The following VPS41 variants were observed in gnomAD, a reference collection of about 807,000 sequenced individuals.
VPS41 encodes VPS41 subunit of HOPS complex, also known as vacuolar protein sorting-associated protein 41 homolog.
A neutral mutation model predicts 130.9 loss-of-function variants in VPS41; 85 were observed. The observed-to-expected ratio is 0.65, with a 90% confidence interval of 0.55 to 0.78. The LOEUF is 0.78. Ranked by LOEUF, VPS41 falls within the 30% of genes least tolerant of loss-of-function variation. The probability of loss-of-function intolerance (pLI) is 0.00; values close to 1 mark genes in which losing one functional copy is unlikely to be tolerated. For missense variants in VPS41, 874 were observed against 1,018.7 expected, an observed-to-expected ratio of 0.86 and a Z score of 1.93; for synonymous variants, 335 against 332.9, an observed-to-expected ratio of 1.01 and a Z score of -0.07.
At chr7:38,731,486 G>A (rs2115561788) in intron 25 of VPS41, among the ~76,000 whole-genome samples, 1 of 152,282 alleles carries the variant, frequency 6.6e-6, no homozygotes, top group Admixed American at 6.5e-5. Flanking sequence ...AGATGCCACA[G>A]CAGTTGGCGT....
intron 1 of VPS41, among the ~76,000 whole-genome samples, chr7:38,908,084 GA>G (rs1787308378): frequency 6.6e-6 from 1 of 152,114 alleles, no homozygotes; most frequent in Non-Finnish European, 1.5e-5. Context: ...TTTTCACTAT[GA>G]AGTAAAAACA....
At chr7:38,746,276 A>C (rs1250792024) in intron 22 of VPS41, among the ~76,000 whole-genome samples, 1 of 151,738 alleles carries the variant, frequency 6.6e-6, no homozygotes, top group Non-Finnish European at 1.5e-5. Flanking sequence ...AAAAAGACCT[A>C]CTATATATTG....
chr7:38,728,464 G>C, intron 27 of VPS41, 78 bp downstream of exon 27: 3 of 1,472,366 alleles, frequency 2.0e-6, no homozygotes, highest in South Asian at 1.1e-5. Context: ...ATAAACGGTA[G>C]TTGGCTAATT....
chr7:38,787,056 A>C (rs1784451271), intron 10 of VPS41, among the ~76,000 whole-genome samples: 1 of 152,252 alleles, frequency 6.6e-6, no homozygotes, highest in African/African-American at 2.4e-5. Flanking sequence ...AGATACAGAC[A>C]ATACTGAAAG....
At chr7:38,757,032 AAC>A (rs1406487315) in intron 18 of VPS41, 50 bp from the exon 19 acceptor site, 2 of 1,380,988 alleles carry the variant, frequency 1.4e-6, no homozygotes, top group Non-Finnish European at 2.0e-6. Context: ...TTCTAATTAA[AAC>A]ACACACAGAG....
chr7:38,784,549 C>T (rs1023365093), intron 10 of VPS41, among the ~76,000 whole-genome samples: 1 of 151,084 alleles, frequency 6.6e-6, no homozygotes, highest in African/African-American at 2.4e-5. Flanking sequence ...GTGGGAGGAT[C>T]GCTTTGGCCC....
intron 16 of VPS41, 40 bp from the exon 17 acceptor site, chr7:38,763,587 GA>G (rs760445398): frequency 7.2e-7 from 1 of 1,380,720 alleles, no homozygotes; most frequent in Admixed American, 2.2e-5. Flanking sequence ...ATTAAAATAT[GA>G]AAAAACAAAA....
chr7:38,826,790 A>G (rs1051113212), intron 5 of VPS41, among the ~76,000 whole-genome samples: 7 of 152,110 alleles, frequency 4.6e-5, no homozygotes, highest in Admixed American at 3.3e-4. Context: ...TATAAAAAGT[A>G]GTAATTTTTG....
chr7:38,731,929 C>T (rs1222983048), intron 25 of VPS41, among the ~76,000 whole-genome samples: 1 of 152,124 alleles, frequency 6.6e-6, no homozygotes, highest in Non-Finnish European at 1.5e-5. Flanking sequence ...CTCTACCATT[C>T]CTGCTCCTTC....
chr7:38,795,740 A>G, intron 8 of VPS41, 129 bp from the exon 9 acceptor site: 1 of 783,642 alleles, frequency 1.3e-6, no homozygotes, highest in Non-Finnish European at 1.9e-6. Context: ...CTGAGCATGC[A>G]AGGAAAATGC....
At chr7:38,826,554 A>ATTAAT in intron 5 of VPS41, among the ~76,000 whole-genome samples, 1 of 152,188 alleles carries the variant, frequency 6.6e-6, no homozygotes, top group Non-Finnish European at 1.5e-5. Context: ...ACAATTACTA[A>ATTAAT]GTGATTTTTC....
intron 13 of VPS41, 35 bp from the exon 14 acceptor site, chr7:38,771,289 A>AG: frequency 6.6e-7 from 1 of 1,506,744 alleles, no homozygotes; most frequent in Non-Finnish European, 9.0e-7. Flanking sequence ...TTAAAAAAAA[A>AG]AAAAAGCAGA....
At chr7:38,907,942 G>C (rs146080153) in intron 1 of VPS41, among the ~76,000 whole-genome samples, 2 of 152,270 alleles carry the variant, frequency 1.3e-5, no homozygotes, top group East Asian at 3.9e-4. Context: ...TGAACTGCTA[G>C]AATGGAAATA....
intron 1 of VPS41, among the ~76,000 whole-genome samples, chr7:38,902,906 C>G (rs146098606): frequency 6.6e-6 from 1 of 152,206 alleles, no homozygotes; most frequent in African/African-American, 2.4e-5. Flanking sequence ...CCTTGTCCTA[C>G]AAGTTCTCAT....
intron 4 of VPS41, among the ~76,000 whole-genome samples, chr7:38,841,835 C>T (rs1785614360): frequency 6.6e-6 from 1 of 152,200 alleles, no homozygotes; most frequent in African/African-American, 2.4e-5. Flanking sequence ...AACTCCTAAC[C>T]TCAGGTGATC....
intron 4 of VPS41, among the ~76,000 whole-genome samples, chr7:38,860,032 T>C (rs1442115449): frequency 1.3e-5 from 2 of 152,214 alleles, no homozygotes; most frequent in Non-Finnish European, 2.9e-5. Flanking sequence ...ACTCTAGCAG[T>C]TGTCATTCTT....
At chr7:38,772,170 A>G (rs1245716775) in intron 13 of VPS41, among the ~76,000 whole-genome samples, 2 of 152,174 alleles carry the variant, frequency 1.3e-5, no homozygotes, top group Non-Finnish European at 2.9e-5. Context: ...TAAAAATGTG[A>G]TAAGTATAAA....
At chr7:38,773,801 T>C (rs976028793) in intron 12 of VPS41, among the ~76,000 whole-genome samples, 11 of 152,258 alleles carry the variant, frequency 7.2e-5, no homozygotes, top group African/African-American at 2.6e-4. Context: ...CATGGAGCCA[T>C]GCAGCTTGAC....
chr7:38,731,034 C>A (rs934780532), intron 25 of VPS41, among the ~76,000 whole-genome samples: 2 of 152,336 alleles, frequency 1.3e-5, no homozygotes, highest in South Asian at 4.1e-4. Flanking sequence ...CAGAGGCAAA[C>A]AGCCAGGAGA....
Sources: allele counts gnomAD v4.1 joint callset (sites outside exome capture counted in the v4.1 genomes callset), GRCh38; gene constraint gnomAD v4.1.1; transcripts MANE v1.5; gene names NCBI Gene and HGNC (gene_info 2026-07-23, HGNC 2026-07-21).